Variants in KANSL3 observed in about 807,000 individuals in gnomAD.
KANSL3 encodes the protein NSL complex protein NSL3.
In KANSL3, 16 loss-of-function variants were observed where a neutral mutation model predicts 89.2. That is an observed-to-expected ratio of 0.18 (90% CI 0.12 to 0.27). KANSL3 has a LOEUF of 0.27. Among genes scored for constraint, KANSL3 ranks in the 10% least tolerant of loss-of-function variants. The probability of loss-of-function intolerance (pLI) is 1.00; values close to 1 mark genes in which losing one functional copy is unlikely to be tolerated. For synonymous variants in KANSL3, 385 were observed against 419.7 expected, an observed-to-expected ratio of 0.92 and a Z score of 1.01; for missense variants, 879 against 1,110.6, an observed-to-expected ratio of 0.79 and a Z score of 2.96.
chr2:96,590,306 T>C (rs80112869), downstream of KANSL3, among the ~76,000 whole-genome samples: 1 of 152,060 alleles, frequency 6.6e-6, no homozygotes, highest in Admixed American at 6.5e-5. Flanking sequence ...TTTTTTTTTT[T>C]CTTTAGAAAC....
intron 14 of KANSL3, 100 bp downstream of exon 14, chr2:96,608,408 C>A: frequency 8.3e-7 from 1 of 1,199,438 alleles, no homozygotes; most frequent in Non-Finnish European, 1.2e-6. Context: ...CCTCTCACAT[C>A]CCCCTGAAAA....
chr2:96,597,073 T>G (rs546319205), intron 20 of KANSL3, among the ~76,000 whole-genome samples: 19 of 152,198 alleles, frequency 1.2e-4, no homozygotes, highest in Admixed American at 2.6e-4. Context: ...AGAAGTCTAG[T>G]TGGTGTTCAC....
At position 96,608,921 on chromosome 2, in the gene KANSL3, C is replaced by A; in HGVS notation, c.1527G>T (p.Arg509=). 6.4e-7 allele frequency: 1 copy of A among 1,571,058 alleles called. No individual in the cohort carries two copies. Among genetic ancestry groups the A allele is most frequent in the Admixed American group, 1.9e-5 (1 of 53,090 alleles). ...CAGCTGGGGAGGCAGGTCGACTGCCCCGCTCAGGGACTTCAAAGGCCAAGT... is the reference window on the plus strand; with the variant it reads ...CAGCTGGGGAGGCAGGTCGACTGCCACGCTCAGGGACTTCAAAGGCCAAGT... ...RRDLAFEVPE[R]GSRPASPAAK... The change falls in exon 13 of 21, where the codon CGG becomes CGT. Residue 509 remains arginine, a synonymous_variant. Transcript: ENST00000431828.
chr2:96,591,850 A>AG (rs139125845), downstream of KANSL3, among the ~76,000 whole-genome samples: 1 of 124,800 alleles, frequency 8.0e-6, no homozygotes, highest in African/African-American at 4.7e-5. Flanking sequence ...ACTTGAGGTC[A>AG]CGAGGCAAGT....
intron 20 of KANSL3, chr2:96,597,988 C>A (rs780099083): frequency 8.9e-6 from 4 of 450,564 alleles, no homozygotes; most frequent in African/African-American, 8.5e-5. Context: ...TGTGCTTCAA[C>A]TGAGCTCCAG....
In KANSL3 at chr2:96,635,474, G is replaced by A. The variant is rs565653148; in HGVS notation, c.215+1447C>T. On this transcript the variant is annotated intron_variant, in intron 2 of 20. Coordinates refer to ENST00000431828, the MANE Select transcript of KANSL3 (RefSeq NM_001115016.3). ...GAAAATGTCATGAGATGTGGACACA[G>A]GAGTTTTAATGTCAGCAAGAAGCTA... Among the ~76,000 whole-genome samples, 4 of 152,298 alleles carry A rather than the reference G, an allele frequency of 2.6e-5. No homozygotes were observed. In the South Asian group the frequency reaches 8.3e-4, roughly 32 times the overall value.
chr2:96,620,910 G>T (rs1399156447), intron 3 of KANSL3, among the ~76,000 whole-genome samples: 2 of 152,050 alleles, frequency 1.3e-5, no homozygotes, highest in Admixed American at 1.3e-4. Context: ...CCTGAGGTGG[G>T]AGAATCGCTT....
intron 1 of KANSL3, 142 bp downstream of exon 1, chr2:96,638,141 G>GA (rs1251637631): frequency 1.7e-5 from 1 of 59,508 alleles, no homozygotes; most frequent in African/African-American, 6.6e-5. Context: ...CGCCCCGCCC[G>GA]ACCAGCACCG....
chr2:96,618,229 CTT>C lies in KANSL3; in HGVS notation c.663+1128_663+1129del, dbSNP rs1479550352. Among the ~76,000 whole-genome samples, 205 of 151,164 alleles carry C rather than the reference CTT, an allele frequency of 1.4e-3. 1 individual carries two copies. The highest frequency in any genetic ancestry group is 4.8e-3 in the African/African-American group (195 of 40,910). ...CTTTCTCTTCTCTCTCTCTCTCTTT[CTT>C]AGAGACAGGGACTCCCTCTGTCACC... On this transcript the variant is annotated intron_variant, in intron 5 of 20. Transcript: ENST00000431828.
intron 5 of KANSL3, among the ~76,000 whole-genome samples, chr2:96,614,122 C>T (rs571022542): frequency 1.3e-5 from 2 of 152,202 alleles, no homozygotes; most frequent in African/African-American, 2.4e-5. Flanking sequence ...GACAAAGTCT[C>T]GCTCTGTCGC....
chr2:96,628,240 A>T lies in KANSL3; in HGVS notation c.386+3072T>A, dbSNP rs564883533. 24 of 984,826 alleles carry T rather than the reference A, an allele frequency of 2.4e-5. No individual in the cohort carries two copies. The African/African-American group carries it at 4.0e-4, about 17-fold the overall frequency. The allele number at this position is 984,826 out of a possible 1,614,324, so 61.0% of individuals were successfully genotyped here. The stretch of plus-strand genomic sequence containing the variant: ...GCTGTGCCTCCTGTGTAGACTCTCC[A>T]CTCATCTATTCACTTCTGAAATAAA... On this transcript the variant is annotated intron_variant, in intron 3 of 20. Transcript: ENST00000431828.
At chr2:96,587,220 C>T in the KANSL3 span, among the ~76,000 whole-genome samples, 1 of 152,120 alleles carries the variant, frequency 6.6e-6, no homozygotes, top group East Asian at 1.9e-4. Flanking sequence ...CATTAGAGAC[C>T]ATGTGGTTAG....
chr2:96,600,376 A>C lies in KANSL3; in HGVS notation c.2616+1267T>G, dbSNP rs1388624783. ...TATAATGTTTGAATTATTTAAAATA[A>C]GCATAATCATTTTTATAATTGAAAA... is the stretch of plus-strand genomic sequence containing the variant. On this transcript the variant is annotated intron_variant, in intron 20 of 20. Transcript: ENST00000431828. The C allele has an allele frequency of 7.2e-6, 6 of 831,366 alleles. No homozygotes were observed. In the East Asian group the frequency reaches 7.4e-4, roughly 102 times the overall value. 51.5% of individuals were successfully genotyped at this position (831,366 alleles called of 1,614,324 possible). A position where few individuals can be genotyped will look rare whatever the true frequency, so the allele number is the denominator to read the frequency against.
the KANSL3 span, among the ~76,000 whole-genome samples, chr2:96,581,221 C>T: frequency 1.3e-5 from 2 of 152,184 alleles, no homozygotes; most frequent in Non-Finnish European, 2.9e-5. Context: ...GTAAGGAGCT[C>T]GAGACCAGCC....
chr2:96,595,760 G>T, intron 20 of KANSL3, 129 bp from the exon 21 acceptor site: 1 of 1,079,162 alleles, frequency 9.3e-7, no homozygotes, highest in Non-Finnish European at 1.3e-6. Flanking sequence ...TAGGAAAGAA[G>T]TTGGATACAC....
At chr2:96,620,773 G>T (rs2071116100) in intron 3 of KANSL3, among the ~76,000 whole-genome samples, 1 of 151,792 alleles carries the variant, frequency 6.6e-6, no homozygotes, top group Non-Finnish European at 1.5e-5. Context: ...GAGGCCAAGT[G>T]GAGTGGATCG....
chr2:96,602,671 C>A (rs1353135846), intron 18 of KANSL3, 82 bp downstream of exon 18: 2 of 1,098,874 alleles, frequency 1.8e-6, no homozygotes, highest in East Asian at 2.4e-5. Flanking sequence ...TGACTCCAGA[C>A]CTAGTTTCCC....
intron 20 of KANSL3, among the ~76,000 whole-genome samples, chr2:96,595,863 T>G (rs937788668): frequency 6.6e-6 from 1 of 152,224 alleles, no homozygotes; most frequent in Non-Finnish European, 1.5e-5. Context: ...AGTGCCTATG[T>G]TCTCTGAGCC....
intron 20 of KANSL3, 66 bp from the exon 21 acceptor site, chr2:96,595,697 C>T (rs1353908655): frequency 4.5e-6 from 7 of 1,544,480 alleles, no homozygotes; most frequent in Non-Finnish European, 6.2e-6. Context: ...TTCAGACCCT[C>T]TATCCCAATT....
Sources: gnomAD v4.1 joint callset for allele counts (sites outside exome capture counted in the v4.1 genomes callset) on GRCh38, gnomAD v4.1.1 for gene constraint, MANE v1.5 for transcripts, NCBI Gene and HGNC (gene_info 2026-07-23, HGNC 2026-07-21) for gene names.